The following ZCCHC17 variants were observed in gnomAD, a reference collection of about 807,000 sequenced individuals.
The protein encoded by ZCCHC17 is zinc finger CCHC-type containing 17, also known as zinc finger CCHC domain-containing protein 17.
Under a neutral mutation model 30.6 loss-of-function variants are expected in ZCCHC17, and 18 were observed. The observed-to-expected ratio is 0.59, with a 90% confidence interval of 0.41 to 0.87. The LOEUF is 0.87. Among genes scored for constraint, ZCCHC17 ranks in the 40% least tolerant of loss-of-function variants. The pLI is 0.00. For synonymous variants in ZCCHC17, 88 were observed against 92.4 expected, an observed-to-expected ratio of 0.95 and a Z score of 0.27; for missense variants, 263 against 284.2, an observed-to-expected ratio of 0.93 and a Z score of 0.54.
At chr1:31,304,028 A>G (rs1449298671) in intron 1 of ZCCHC17, among the ~76,000 whole-genome samples, 1 of 152,116 alleles carries the variant, frequency 6.6e-6, no homozygotes, top group Non-Finnish European at 1.5e-5. Flanking sequence ...CTTTACTTCC[A>G]TCCCATACTT....
At chr1:31,345,820 A>G (rs1161310944) in intron 5 of ZCCHC17, among the ~76,000 whole-genome samples, 3 of 151,564 alleles carry the variant, frequency 2.0e-5, no homozygotes, top group Admixed American at 6.6e-5. Flanking sequence ...ATCAGATCTC[A>G]TGAGAACTCC....
chr1:31,304,619 G>A (rs1275235231), intron 1 of ZCCHC17, among the ~76,000 whole-genome samples: 5 of 144,292 alleles, frequency 3.5e-5, no homozygotes, highest in African/African-American at 1.3e-4. Context: ...TTTTTTAGAC[G>A]GACTCTCGCT....
chr1:31,327,559 T>C (rs914716009), intron 3 of ZCCHC17, among the ~76,000 whole-genome samples: 12 of 152,230 alleles, frequency 7.9e-5, no homozygotes, highest in African/African-American at 1.2e-4. Flanking sequence ...AATCTTGTGC[T>C]GTCTTGCCAC....
chr1:31,307,580 T>G (rs1380999185), intron 1 of ZCCHC17, among the ~76,000 whole-genome samples: 2 of 142,388 alleles, frequency 1.4e-5, no homozygotes, highest in Non-Finnish European at 3.1e-5. Context: ...ATTTTTGTTG[T>G]TTTTTTTTTT....
intron 3 of ZCCHC17, among the ~76,000 whole-genome samples, chr1:31,328,919 C>T (rs1638465977): frequency 6.6e-6 from 1 of 152,084 alleles, no homozygotes; most frequent in East Asian, 1.9e-4. Context: ...GTAGTTCCAG[C>T]TACTTGGGAG....
In ZCCHC17 at chr1:31,348,814, A is replaced by G; in HGVS notation, c.419-15A>G. The G allele has an allele frequency of 6.2e-7, 1 of 1,612,110 alleles. No homozygotes were observed. Among genetic ancestry groups the G allele is most frequent in the Non-Finnish European group, 8.5e-7 (1 of 1,179,940 alleles). ...TACTTCCTTTTTCTATACCTTTTCTACTTTTCTTCTGCAGGCCACTTTGCA... is the reference window on the plus strand; with the variant it reads ...TACTTCCTTTTTCTATACCTTTTCTGCTTTTCTTCTGCAGGCCACTTTGCA... On this transcript the variant is annotated splice_polypyrimidine_tract_variant and intron_variant, in intron 6 of 7. Transcript: ENST00000344147.
chr1:31,302,765 G>A (rs1287838243), intron 1 of ZCCHC17, among the ~76,000 whole-genome samples: 2 of 152,144 alleles, frequency 1.3e-5, no homozygotes, highest in Non-Finnish European at 2.9e-5. Context: ...AGGAGAGAGA[G>A]AGAGAGCAAG....
chr1:31,298,387 G>GTTT (rs35380795), intron 1 of ZCCHC17, among the ~76,000 whole-genome samples: 1 of 139,188 alleles, frequency 7.2e-6, no homozygotes, highest in Non-Finnish European at 1.6e-5. Flanking sequence ...GTTTTTTTTT[G>GTTT]TTTTTTTTTT....
chr1:31,318,346 G>T (rs112017174), intron 2 of ZCCHC17: 1 of 873,292 alleles, frequency 1.1e-6, no homozygotes, highest in South Asian at 1.7e-5. Context: ...GTAGGCTACA[G>T]GGGGAAGAGA....
intron 4 of ZCCHC17, 136 bp downstream of exon 4, chr1:31,337,411 T>C: frequency 1.3e-6 from 1 of 746,362 alleles, no homozygotes; most frequent in East Asian, 2.7e-5. Context: ...CATTAGAATC[T>C]ATTCTGAATT....
chr1:31,334,140 C>T (rs1398384147), intron 3 of ZCCHC17, among the ~76,000 whole-genome samples: 3 of 151,844 alleles, frequency 2.0e-5, no homozygotes, highest in Non-Finnish European at 4.4e-5. Flanking sequence ...TTTTAGAGGC[C>T]CCAGAGTTGT....
chr1:31,343,771 C>G (rs555859651), intron 5 of ZCCHC17, among the ~76,000 whole-genome samples: 2 of 149,238 alleles, frequency 1.3e-5, no homozygotes, highest in Non-Finnish European at 3.0e-5. Flanking sequence ...CCTCAAATTC[C>G]TAGGCTCAAG....
At chr1:31,316,659 A>G (rs1333763531) in intron 2 of ZCCHC17, among the ~76,000 whole-genome samples, 1 of 152,188 alleles carries the variant, frequency 6.6e-6, no homozygotes, top group Non-Finnish European at 1.5e-5. Context: ...TACGTTCCTC[A>G]TTTGAAACAT....
intron 2 of ZCCHC17, among the ~76,000 whole-genome samples, chr1:31,316,274 G>T (rs889443526): frequency 1.3e-5 from 2 of 152,060 alleles, no homozygotes; most frequent in Non-Finnish European, 2.9e-5. Context: ...GCTAAATTTT[G>T]TATTTTTAGT....
intron 1 of ZCCHC17, among the ~76,000 whole-genome samples, chr1:31,301,296 C>T (rs80087083): frequency 0.015 from 2,314 of 152,190 alleles, 34 homozygotes; most frequent in Non-Finnish European, 0.025. Flanking sequence ...ACAAGAGTTC[C>T]ACACTCTACA....
At chr1:31,298,473 C>T (rs1646226874) in intron 1 of ZCCHC17, among the ~76,000 whole-genome samples, 2 of 151,842 alleles carry the variant, frequency 1.3e-5, no homozygotes, top group African/African-American at 4.8e-5. Flanking sequence ...GCAACCTCCA[C>T]CTCCCAGGTT....
At chr1:31,334,337 C>CTCTCTGTG (rs1284223463) in intron 3 of ZCCHC17, among the ~76,000 whole-genome samples, 1 of 85,588 alleles carries the variant, frequency 1.2e-5, no homozygotes, top group African/African-American at 4.9e-5. Flanking sequence ...CTCTCTCTCT[C>CTCTCTGTG]TGTGTGTGTG....
At chr1:31,305,927 C>T (rs1646444339) in intron 1 of ZCCHC17, among the ~76,000 whole-genome samples, 1 of 152,138 alleles carries the variant, frequency 6.6e-6, no homozygotes. Context: ...ATGGGGGATA[C>T]ATTCCAAGAC....
chr1:31,345,446 A>G (rs1436468271), intron 5 of ZCCHC17, among the ~76,000 whole-genome samples: 4 of 144,004 alleles, frequency 2.8e-5, no homozygotes, highest in Non-Finnish European at 4.5e-5. Context: ...ATAAGCCACC[A>G]CACCCAGCCT....
Sources: gnomAD v4.1 joint callset for allele counts (sites outside exome capture counted in the v4.1 genomes callset) on GRCh38, gnomAD v4.1.1 for gene constraint, MANE v1.5 for transcripts, NCBI Gene and HGNC (gene_info 2026-07-23, HGNC 2026-07-21) for gene names.